CDH4: variants seen among roughly 807,000 people sequenced by gnomAD.
CDH4 encodes the protein cadherin-4.
CDH4 carries 33 observed loss-of-function variants against 86.0 expected under a neutral mutation model. That is an observed-to-expected ratio of 0.38 (90% CI 0.29 to 0.51). CDH4 has a LOEUF of 0.51. CDH4 is among the 20% of genes least tolerant of loss of function. The pLI, the probability that CDH4 is intolerant of heterozygous loss-of-function variation, is 0.86. For synonymous variants in CDH4, 555 were observed against 549.4 expected (o/e 1.01, Z -0.14); for missense variants, 1,114 against 1,307.4 (o/e 0.85, Z 2.28).
rs574927510 is a variant in CDH4, at chr20:61,915,203, T to C, written c.1374+4596T>C. 2.8e-3 allele frequency among the ~76,000 whole-genome samples: 430 copies of C among 152,360 alleles called. 1 individual carries two copies. Among genetic ancestry groups the C allele is most frequent in the African/African-American group, 0.01 (416 of 41,584 alleles). ...CTGCTACCTCTGCCATAAAGCCATC[T>C]GTTAACCGTCCAGGTTCCTCGCTGG... On this transcript the variant is annotated intron_variant, in intron 9 of 15. Coordinates refer to ENST00000614565, the MANE Select transcript of CDH4 (RefSeq NM_001794.5).
At chr20:61,852,380 T>G (rs1458845012) in intron 5 of CDH4, among the ~76,000 whole-genome samples, 1 of 152,250 alleles carries the variant, frequency 6.6e-6, no homozygotes, top group Non-Finnish European at 1.5e-5. Context: ...GTTGCCACTT[T>G]GGGTGGACAT....
rs979990535 is a variant in CDH4 at position 61,379,085 on chromosome 20, G to A, written c.169+124148G>A. Among the ~76,000 whole-genome samples the A allele has an allele frequency of 2.6e-5, 4 of 152,252 alleles. 1 individual carries two copies. In the South Asian group the frequency reaches 8.3e-4, roughly 32 times the overall value. On this transcript the variant is annotated intron_variant, in intron 2 of 15. Transcript: ENST00000614565. ...AGGGAGCGTGAGAATGCCGGGTAGG[G>A]GGTTGGGAAAATTAAATGAGATTGT... is the stretch of plus-strand genomic sequence containing the variant.
intron 6 of CDH4, among the ~76,000 whole-genome samples, chr20:61,871,604 A>T (rs1983805421): frequency 6.6e-6 from 1 of 152,188 alleles, no homozygotes; most frequent in African/African-American, 2.4e-5. Context: ...GAAAGCCAGC[A>T]CAGAGGGAGG....
At chr20:61,276,249 A>G (rs1029873910) in intron 2 of CDH4, among the ~76,000 whole-genome samples, 4 of 152,146 alleles carry the variant, frequency 2.6e-5, no homozygotes, top group Non-Finnish European at 5.9e-5. Flanking sequence ...TTGAAGTCTC[A>G]TTTCTGTTTG....
intron 2 of CDH4, among the ~76,000 whole-genome samples, chr20:61,724,133 G>A (rs1453048804): frequency 6.9e-6 from 1 of 144,018 alleles, no homozygotes; most frequent in Non-Finnish European, 1.5e-5. Flanking sequence ...TGTGGCAGGG[G>A]GGTGGGTCCC....
intron 7 of CDH4, among the ~76,000 whole-genome samples, chr20:61,880,906 C>A (rs904224543): frequency 6.6e-6 from 1 of 152,144 alleles, no homozygotes; most frequent in South Asian, 2.1e-4. Context: ...AGAGTGAGGG[C>A]CCCCCAGGCC....
chr20:61,560,857 A>AT (rs141693245), intron 2 of CDH4, among the ~76,000 whole-genome samples: 4,726 of 152,282 alleles, frequency 0.031, 86 homozygotes, highest in Middle Eastern at 0.061. Context: ...TCCATACTGG[A>AT]TCCCCCAGCC....
chr20:61,523,470 G>A (rs995837029), intron 2 of CDH4, among the ~76,000 whole-genome samples: 7 of 152,224 alleles, frequency 4.6e-5, no homozygotes, highest in Admixed American at 6.5e-5. Flanking sequence ...GTCATTCCCC[G>A]CCACGTGCTC....
At chr20:61,527,634 C>A (rs1374677344) in intron 2 of CDH4, among the ~76,000 whole-genome samples, 1 of 152,200 alleles carries the variant, frequency 6.6e-6, no homozygotes, top group Non-Finnish European at 1.5e-5. Context: ...ATCTGAAAGT[C>A]TGTTCTGTTC....
intron 2 of CDH4, among the ~76,000 whole-genome samples, chr20:61,712,227 G>A (rs2087901661): frequency 6.6e-6 from 1 of 152,224 alleles, no homozygotes; most frequent in South Asian, 2.1e-4. Context: ...CTTGATCCGT[G>A]TGGTGGAGTC....
chr20:61,774,396 A>C (rs1265649800), intron 4 of CDH4, among the ~76,000 whole-genome samples: 1 of 152,216 alleles, frequency 6.6e-6, no homozygotes, highest in Non-Finnish European at 1.5e-5. Flanking sequence ...AGACGATGCC[A>C]ATGGCAGTGC....
chr20:61,662,221 A>C (rs1317210247), intron 2 of CDH4, among the ~76,000 whole-genome samples: 7 of 152,148 alleles, frequency 4.6e-5, no homozygotes, highest in Admixed American at 4.6e-4. Context: ...GTAAAGACAG[A>C]GTTCTTCCAA....
intron 2 of CDH4, among the ~76,000 whole-genome samples, chr20:61,728,406 T>A (rs1181773225): frequency 2.0e-5 from 3 of 152,148 alleles, no homozygotes; most frequent in Non-Finnish European, 4.4e-5. Context: ...TCTAAAACTC[T>A]GCTTGAGTTT....
At chr20:61,773,803 G>A (rs2088807981) in intron 4 of CDH4, among the ~76,000 whole-genome samples, 1 of 152,198 alleles carries the variant, frequency 6.6e-6, no homozygotes, top group South Asian at 2.1e-4. Flanking sequence ...CCCAACCGTT[G>A]TGGAAAAGCC....
At chr20:61,264,568 G>T (rs1456522770) in intron 2 of CDH4, among the ~76,000 whole-genome samples, 3 of 141,756 alleles carry the variant, frequency 2.1e-5, no homozygotes, top group African/African-American at 8.3e-5. Context: ...TACCTCAGTG[G>T]TTCCTTCATT....
intron 2 of CDH4, among the ~76,000 whole-genome samples, chr20:61,486,860 T>G (rs1327258570): frequency 6.6e-6 from 1 of 152,162 alleles, no homozygotes; most frequent in Non-Finnish European, 1.5e-5. Flanking sequence ...CTGTACTCCA[T>G]CCTGGGTGAC....
At chr20:61,860,841 A>T (rs1298926147) in intron 6 of CDH4, among the ~76,000 whole-genome samples, 3 of 152,036 alleles carry the variant, frequency 2.0e-5, no homozygotes, top group Non-Finnish European at 4.4e-5. Flanking sequence ...CCTGGCATTT[A>T]TATCTGCAGG....
At chr20:61,770,948 G>A (rs1247749238) in intron 3 of CDH4, among the ~76,000 whole-genome samples, 1 of 149,950 alleles carries the variant, frequency 6.7e-6, no homozygotes, top group East Asian at 1.9e-4. Flanking sequence ...ACTCCCTGGT[G>A]ACCAGAGAAA....
chr20:61,513,053 C>T (rs1261571226), intron 2 of CDH4, among the ~76,000 whole-genome samples: 1 of 152,230 alleles, frequency 6.6e-6, no homozygotes, highest in African/African-American at 2.4e-5. Context: ...GGAGGCCGTG[C>T]TGTCAATGAG....
Sources: gnomAD v4.1 joint callset for allele counts (sites outside exome capture counted in the v4.1 genomes callset) on GRCh38, gnomAD v4.1.1 for gene constraint, MANE v1.5 for transcripts, NCBI Gene and HGNC (gene_info 2026-07-23, HGNC 2026-07-21) for gene names.